Variants in RNF17 observed in about 807,000 individuals in gnomAD.
RNF17 encodes spermatogenesis associated 23.
In RNF17, 31 loss-of-function variants were observed where a neutral mutation model predicts 200.5. The observed-to-expected ratio is 0.15, with a 90% CI of 0.12 to 0.21. The LOEUF (loss-of-function observed/expected upper bound fraction) is 0.21, where lower values mean the gene tolerates loss of function less well. Among genes scored for constraint, RNF17 ranks in the 10% least tolerant of loss-of-function variants. The pLI is 1.00. For synonymous variants in RNF17, 606 were observed against 637.8 expected (o/e 0.95, Z 0.75); for missense variants, 1,628 against 1,905.1 (o/e 0.85, Z 2.71).
chr13:24,793,163 C>T lies in RNF17; in HGVS notation c.1057C>T (p.Leu353=), dbSNP rs1158061. 0.25 allele frequency: 402,764 copies of T among 1,613,574 alleles called. 53,274 individuals are homozygous for T. The highest frequency in any genetic ancestry group is 0.43 in the East Asian group (19,338 of 44,852). ...LEKKKVDMSV[L]TSEAPPPPLQ... ...AAAGAAAAAGGTTGACATGTCTGTC[C>T]TAACCAGTGAAGCACCACCACCTCC... Residue 353 remains leucine, a synonymous_variant, in exon 10 of 36, where the codon CTA becomes TTA. Coordinates refer to ENST00000255324, the MANE Select transcript of RNF17 (RefSeq NM_031277.3).
intron 31 of RNF17, 56 bp from the exon 32 acceptor site, chr13:24,870,515 C>G (rs572909409): frequency 4.0e-6 from 6 of 1,504,354 alleles, no homozygotes; most frequent in South Asian, 1.2e-5. Context: ...TGTCCACATA[C>G]GTGAATTCTT....
At chr13:24,801,200 A>G (rs1299373753) in intron 13 of RNF17, among the ~76,000 whole-genome samples, 1 of 152,190 alleles carries the variant, frequency 6.6e-6, no homozygotes, top group African/African-American at 2.4e-5. Context: ...CTCTTTTTTA[A>G]CTTTTCACAT....
chr13:24,886,304 C>G, the RNF17 span: 1 of 1,288,952 alleles, frequency 7.8e-7, no homozygotes, highest in East Asian at 5.5e-5. Context: ...CTGGATGTTA[C>G]GGGAGAATGG....
intron 16 of RNF17, chr13:24,826,145 A>G: frequency 1.1e-6 from 1 of 931,092 alleles, no homozygotes; most frequent in Non-Finnish European, 1.3e-6. Context: ...CTTCCCTTCA[A>G]TTTTAATATA....
Position 24,799,516 on chromosome 13 carries a change from C to T in RNF17, c.1521C>T (p.Val507=). The change falls in exon 12 of 36, where the codon GTC becomes GTT. Residue 507 remains valine, a synonymous_variant. Coordinates refer to ENST00000255324, the MANE Select transcript of RNF17 (RefSeq NM_031277.3). ...RKPCSPTRLF[V]HEVALIQIFM... is the part of the protein sequence containing the mutation. ...CTTGTAGTCCAACCAGATTATTTGT[C>T]CATGAAGTTGCACTAATACAAATAT... is the stretch of plus-strand genomic sequence containing the variant. The T allele has an allele frequency of 6.2e-7, 1 of 1,611,396 alleles. No homozygotes were observed. The highest frequency in any genetic ancestry group is 8.5e-7 in the Non-Finnish European group (1 of 1,178,018).
At chr13:24,794,185 C>T (rs769156613) in intron 10 of RNF17, 17 of 456,396 alleles carry the variant, frequency 3.7e-5, no homozygotes, top group South Asian at 9.3e-5. Flanking sequence ...GGGGAGACAC[C>T]TAGATATCCA....
intron 15 of RNF17, among the ~76,000 whole-genome samples, chr13:24,810,595 AG>A (rs1369362833): frequency 1.4e-5 from 2 of 146,204 alleles, no homozygotes; most frequent in Admixed American, 1.4e-4. Context: ...CTCTTTATCC[AG>A]TTTGCCAGTC....
Position 24,851,515 on chromosome 13 carries a change from G to A in RNF17, c.3264G>A (p.Glu1088=), listed in dbSNP as rs904279390. The change falls in exon 24 of 36, where the codon GAG becomes GAA. Residue 1088 remains glutamate (E), a synonymous_variant. Coordinates refer to ENST00000255324, the MANE Select transcript of RNF17 (RefSeq NM_031277.3). ...VKIFCRDEKG[E]RVDVSKYLIK... ...TTTTCTGCAGAGATGAAAAAGGAGA[G>A]CGTGTTGATGTTTCTAAATATTTGA... 8 of 1,613,722 alleles carry A rather than the reference G, an allele frequency of 5.0e-6. No individual in the cohort carries two copies. The African/African-American group carries it at 6.7e-5, about 13-fold the overall frequency.
intron 6 of RNF17, among the ~76,000 whole-genome samples, chr13:24,785,220 A>G (rs1882947892): frequency 6.6e-6 from 1 of 152,128 alleles, no homozygotes; most frequent in Non-Finnish European, 1.5e-5. Context: ...ATTTACAGCT[A>G]TAAATTTCCC....
At chr13:24,784,678 A>AC (rs1882861570) in intron 6 of RNF17, among the ~76,000 whole-genome samples, 1 of 151,996 alleles carries the variant, frequency 6.6e-6, no homozygotes, top group Non-Finnish European at 1.5e-5. Flanking sequence ...ATAGTAATGT[A>AC]CCCAGTTTAT....
Position 24,862,723 on chromosome 13 carries a change from T to G in RNF17, c.3905T>G (p.Val1302Gly), listed in dbSNP as rs752915717. The part of the protein sequence containing the change: ...QLHNTTPVGN[V>G]WQPDAIEVLQ... Reference sequence around the variant, plus strand: ...ATTAATCTCAAATAGGTTGGGAATGTCTGGCAACCAGATGCAATAGAAGTT... The same window carrying G: ...ATTAATCTCAAATAGGTTGGGAATGGCTGGCAACCAGATGCAATAGAAGTT... Residue 1302 changes from valine to glycine, a missense_variant, in exon 28 of 36, where the codon GTC becomes GGC. Val to Gly is a moderately radical substitution (Grantham distance 109, BLOSUM62 -3). Around this residue, in one of 5 missense-constraint regions of RNF17, gnomAD observed 609 missense variants for 681.9 expected, o/e 0.89. Coordinates refer to ENST00000255324, the MANE Select transcript of RNF17 (RefSeq NM_031277.3). 6.2e-7 allele frequency: 1 copy of G among 1,604,802 alleles called. No individual in the cohort carries two copies. The highest frequency in any genetic ancestry group is 1.1e-5 in the South Asian group (1 of 90,752).
At chr13:24,764,888 G>GGGTGT (rs899352115) in intron 1 of RNF17, among the ~76,000 whole-genome samples, 44 of 134,172 alleles carry the variant, frequency 3.3e-4, no homozygotes, top group African/African-American at 1.1e-3. Flanking sequence ...CACCTTGTGG[G>GGGTGT]GTGTGTGTGT....
At chr13:24,810,470 C>CT (rs1886454417) in intron 15 of RNF17, among the ~76,000 whole-genome samples, 1 of 130,618 alleles carries the variant, frequency 7.7e-6, no homozygotes, top group Non-Finnish European at 1.6e-5. Context: ...CAACCCCTGC[C>CT]TTTTTTTGTT....
chr13:24,792,415 A>C (rs556818584), intron 9 of RNF17, among the ~76,000 whole-genome samples: 1 of 142,682 alleles, frequency 7.0e-6, no homozygotes, highest in African/African-American at 2.8e-5. Flanking sequence ...GGTAATCTGT[A>C]AAAAAAAAAC....
the RNF17 span, among the ~76,000 whole-genome samples, chr13:24,748,419 C>T: frequency 2.6e-5 from 4 of 152,142 alleles, no homozygotes; most frequent in Non-Finnish European, 4.4e-5. Flanking sequence ...CTGTAACTGC[C>T]GGTGGTGGCA....
chr13:24,764,708 T>C (rs1879334279), intron 1 of RNF17, among the ~76,000 whole-genome samples: 3 of 152,230 alleles, frequency 2.0e-5, no homozygotes. Context: ...CTTGATTTTC[T>C]CCTGTAGTTT....
At chr13:24,767,181 G>A (rs1879818628) in intron 1 of RNF17, 91 bp from the exon 2 acceptor site, 9 of 794,206 alleles carry the variant, frequency 1.1e-5, no homozygotes, top group Non-Finnish European at 1.9e-5. Context: ...GTGAGCTGGT[G>A]CCACTACACT....
At chr13:24,876,850 T>C (rs1894910964) in intron 33 of RNF17, 147 bp from the exon 34 acceptor site, 1 of 470,302 alleles carries the variant, frequency 2.1e-6, no homozygotes, top group Non-Finnish European at 3.3e-6. Flanking sequence ...TCTCATTTTA[T>C]CTGATTTTTC....
downstream of RNF17, among the ~76,000 whole-genome samples, chr13:24,881,857 TAGATATATAGATAC>T (rs1953837561): frequency 9.1e-5 from 10 of 109,338 alleles, no homozygotes; most frequent in African/African-American, 3.0e-4. Context: ...TACATCTATA[TAGATATATAGATAC>T]ATCTATATAG....
Sources: allele counts gnomAD v4.1 joint callset (sites outside exome capture counted in the v4.1 genomes callset), GRCh38; gene constraint gnomAD v4.1.1; regional missense constraint gnomAD v4.1.1; transcripts MANE v1.5; gene names NCBI Gene and HGNC (gene_info 2026-07-23, HGNC 2026-07-21).